MVB12B: variants seen among roughly 807,000 people sequenced by gnomAD.
MVB12B encodes the protein multivesicular body subunit 12B.
MVB12B carries 16 observed loss-of-function variants against 41.6 expected under a neutral mutation model. The observed-to-expected ratio is 0.38, with a 90% CI of 0.26 to 0.58. The LOEUF (loss-of-function observed/expected upper bound fraction) is 0.58, where lower values mean the gene tolerates loss of function less well. Ranked by LOEUF, MVB12B falls within the 20% of genes least tolerant of loss-of-function variation. MVB12B has a pLI of 0.62. For missense variants in MVB12B, 274 were observed against 380.2 expected (o/e 0.72, Z 2.32); for synonymous variants, 133 against 139.7 (o/e 0.95, Z 0.34).
intron 9 of MVB12B, 74 bp downstream of exon 9, chr9:126,484,106 C>G (rs1833585703): frequency 7.1e-7 from 1 of 1,400,742 alleles, no homozygotes; most frequent in East Asian, 2.3e-5. Context: ...CGTGTGTTCC[C>G]CTAGGGATCC....
chr9:126,397,918 G>T (rs1410976368), intron 6 of MVB12B, among the ~76,000 whole-genome samples: 1 of 152,100 alleles, frequency 6.6e-6, no homozygotes, highest in East Asian at 1.9e-4. Flanking sequence ...TGGGGCTTGT[G>T]CTCCGAGTGC....
chr9:126,496,224 C>CCCATCCATACACCCACTTA (rs1833830454), intron 9 of MVB12B, among the ~76,000 whole-genome samples: 1 of 115,934 alleles, frequency 8.6e-6, no homozygotes, highest in Admixed American at 8.2e-5. Context: ...CATCCACCCA[C>CCCATCCATACACCCACTTA]CCATCCATAC....
chr9:126,460,598 G>A (rs995294379), intron 7 of MVB12B, among the ~76,000 whole-genome samples: 1 of 152,048 alleles, frequency 6.6e-6, no homozygotes, highest in African/African-American at 2.4e-5. Flanking sequence ...GGTCAGAGGG[G>A]TGGGCATCGC....
At chr9:126,384,040 G>A (rs1019936064) in intron 3 of MVB12B, among the ~76,000 whole-genome samples, 1 of 151,848 alleles carries the variant, frequency 6.6e-6, no homozygotes, top group African/African-American at 2.4e-5. Context: ...AGGAAAACAT[G>A]CCTAGTTGTT....
At chr9:126,470,531 G>T (rs926006310) in intron 7 of MVB12B, among the ~76,000 whole-genome samples, 5 of 152,170 alleles carry the variant, frequency 3.3e-5, no homozygotes, top group Admixed American at 6.5e-5. Context: ...GGAGGAGGTG[G>T]GGGGGCTGGT....
intron 2 of MVB12B, among the ~76,000 whole-genome samples, chr9:126,380,465 G>C (rs927857648): frequency 3.9e-5 from 6 of 152,204 alleles, no homozygotes; most frequent in Non-Finnish European, 7.3e-5. Flanking sequence ...ACAAGGAACC[G>C]AGTGAGTCTT....
At chr9:126,447,067 C>T (rs1319753331) in intron 7 of MVB12B, among the ~76,000 whole-genome samples, 3 of 150,672 alleles carry the variant, frequency 2.0e-5, no homozygotes, top group African/African-American at 4.9e-5. Context: ...GCCTCAACCT[C>T]CTGAGTAGCT....
At chr9:126,470,912 T>A (rs1588197663) in intron 7 of MVB12B, among the ~76,000 whole-genome samples, 1 of 152,218 alleles carries the variant, frequency 6.6e-6, no homozygotes, top group Non-Finnish European at 1.5e-5. Context: ...TTTCCCTCTG[T>A]ACAGCAGTAA....
At chr9:126,421,045 T>G (rs1166296562) in intron 6 of MVB12B, among the ~76,000 whole-genome samples, 1 of 151,564 alleles carries the variant, frequency 6.6e-6, no homozygotes, top group Non-Finnish European at 1.5e-5. Flanking sequence ...CAAGAGGTTT[T>G]GTTGTTTTTT....
chr9:126,444,239 A>C (rs542402425), intron 7 of MVB12B, among the ~76,000 whole-genome samples: 49 of 152,330 alleles, frequency 3.2e-4, no homozygotes, highest in African/African-American at 1.1e-3. Context: ...CTTTAAATAA[A>C]TATATAAACA....
intron 2 of MVB12B, among the ~76,000 whole-genome samples, chr9:126,370,128 A>G (rs1014422675): frequency 9.2e-5 from 14 of 152,318 alleles, no homozygotes; most frequent in Admixed American, 8.5e-4. Context: ...TACTATAAAC[A>G]ATGTTGTAAA....
intron 2 of MVB12B, among the ~76,000 whole-genome samples, chr9:126,342,800 G>A (rs1305072635): frequency 1.3e-5 from 2 of 152,190 alleles, no homozygotes; most frequent in Admixed American, 1.3e-4. Context: ...TTTATCTGGA[G>A]TTTCATATTA....
chr9:126,483,266 C>T (rs1833563364), intron 8 of MVB12B, among the ~76,000 whole-genome samples: 1 of 152,232 alleles, frequency 6.6e-6, no homozygotes, highest in African/African-American at 2.4e-5. Flanking sequence ...CTTCTATGGG[C>T]CTCTAGCTCA....
At chr9:126,378,135 A>T (rs7044196) in intron 2 of MVB12B, among the ~76,000 whole-genome samples, 1 of 151,678 alleles carries the variant, frequency 6.6e-6, no homozygotes, top group Non-Finnish European at 1.5e-5. Context: ...ACCCCACCTT[A>T]CCCCAGCTTC....
intron 6 of MVB12B, chr9:126,396,961 G>A (rs1290506439): frequency 4.1e-6 from 4 of 985,486 alleles, no homozygotes; most frequent in Non-Finnish European, 3.6e-6. Context: ...GCTCCGCCCT[G>A]GAGGGCACTG....
At chr9:126,444,362 C>T (rs1442901189) in intron 7 of MVB12B, among the ~76,000 whole-genome samples, 1 of 151,998 alleles carries the variant, frequency 6.6e-6, no homozygotes, top group East Asian at 1.9e-4. Flanking sequence ...CCACACAAGA[C>T]TTGCTAACTG....
intron 2 of MVB12B, among the ~76,000 whole-genome samples, chr9:126,363,851 G>T (rs1289611384): frequency 1.3e-5 from 2 of 152,162 alleles, no homozygotes; most frequent in East Asian, 1.9e-4. Flanking sequence ...GTGGAATTAT[G>T]TTCTGGTTCT....
chr9:126,441,245 C>A (rs746786540), intron 7 of MVB12B, among the ~76,000 whole-genome samples: 2 of 152,292 alleles, frequency 1.3e-5, no homozygotes, highest in Non-Finnish European at 2.9e-5. Flanking sequence ...GATTCCTCTG[C>A]GAGGCTTGAA....
chr9:126,476,145 G>A (rs903479089), intron 7 of MVB12B, among the ~76,000 whole-genome samples: 16 of 117,886 alleles, frequency 1.4e-4, no homozygotes, highest in Admixed American at 3.3e-4. Context: ...TCAGGAATGC[G>A]TCTTCCTTCC....
Sources: gnomAD v4.1 joint callset for allele counts (sites outside exome capture counted in the v4.1 genomes callset) on GRCh38, gnomAD v4.1.1 for gene constraint, MANE v1.5 for transcripts, NCBI Gene and HGNC (gene_info 2026-07-23, HGNC 2026-07-21) for gene names.